The following TEX36 variants were observed in gnomAD, a reference collection of about 807,000 sequenced individuals.
TEX36 encodes the protein testis-expressed protein 36.
A neutral mutation model predicts 13.6 loss-of-function variants in TEX36; 12 were observed. That is an observed-to-expected ratio of 0.88 (90% CI 0.56 to 1.43). The LOEUF (loss-of-function observed/expected upper bound fraction) is 1.43, where lower values mean the gene tolerates loss of function less well. Among genes scored for constraint, TEX36 ranks in the 40% most tolerant of loss-of-function variants. The pLI is 0.00. For synonymous variants in TEX36, 93 were observed against 83.0 expected, an observed-to-expected ratio of 1.12 and a Z score of -0.65; for missense variants, 224 against 228.3, an observed-to-expected ratio of 0.98 and a Z score of 0.12.
exon 4 of TEX36, chr10:125,621,635 C>A (rs939303421): frequency 2.2e-6 from 1 of 455,942 alleles, no homozygotes; most frequent in African/African-American, 2.0e-5. Flanking sequence ...CCACGATAGG[C>A]CATCTGCAAA....
At chr10:125,617,152 C>T (rs1846371167), downstream of TEX36, among the ~76,000 whole-genome samples, 1 of 151,752 alleles carries the variant, frequency 6.6e-6, no homozygotes, top group Admixed American at 6.6e-5. Flanking sequence ...GATCTTCCTC[C>T]ATCCTTTTAT....
chr10:125,681,954 C>A (rs1028808525), intron 1 of TEX36, among the ~76,000 whole-genome samples: 10 of 152,142 alleles, frequency 6.6e-5, no homozygotes, highest in African/African-American at 2.2e-4. Flanking sequence ...TTTTTTAAAG[C>A]CTTCAGACCC....
At chr10:125,659,505 G>T (rs1846997836) in intron 3 of TEX36, among the ~76,000 whole-genome samples, 2 of 152,134 alleles carry the variant, frequency 1.3e-5, no homozygotes, top group African/African-American at 4.8e-5. Flanking sequence ...GTTTTTTAAA[G>T]GACATATGTT....
chr10:125,667,666 G>C, intron 1 of TEX36: 8 of 720,216 alleles, frequency 1.1e-5, no homozygotes, highest in Non-Finnish European at 2.0e-5. Flanking sequence ...TGACAACTTG[G>C]GGGAAAGGAC....
chr10:125,598,628 T>C (rs1441036748), intron 3 of TEX36, among the ~76,000 whole-genome samples: 1 of 152,164 alleles, frequency 6.6e-6, no homozygotes, highest in Non-Finnish European at 1.5e-5. Context: ...TCTCAACATC[T>C]CTTCTGACTC....
intron 3 of TEX36, among the ~76,000 whole-genome samples, chr10:125,591,607 G>T (rs754585589): frequency 2.0e-5 from 3 of 152,152 alleles, no homozygotes; most frequent in Non-Finnish European, 4.4e-5. Flanking sequence ...TGTCTGCCAT[G>T]GTTCTCTCTA....
intron 1 of TEX36, among the ~76,000 whole-genome samples, chr10:125,682,196 C>A (rs939311960): frequency 6.6e-6 from 1 of 151,994 alleles, no homozygotes; most frequent in Admixed American, 6.5e-5. Context: ...TGTTGAAGAG[C>A]AAAGGAGAGA....
chr10:125,609,371 C>G (rs1846261525), intron 3 of TEX36, among the ~76,000 whole-genome samples: 1 of 152,104 alleles, frequency 6.6e-6, no homozygotes, highest in Non-Finnish European at 1.5e-5. Context: ...GCTAGCTAGT[C>G]ACCCAGCACG....
intron 3 of TEX36, among the ~76,000 whole-genome samples, chr10:125,608,136 AAC>A (rs1266176597): frequency 2.6e-5 from 4 of 152,186 alleles, no homozygotes; most frequent in Non-Finnish European, 4.4e-5. Flanking sequence ...GAGCGGGGAA[AAC>A]AGTCACTAAA....
In TEX36 at chr10:125,645,940, T is replaced by C. The variant is rs931687318; in HGVS notation, c.264+15081A>G. Among the ~76,000 whole-genome samples, 8 of 152,184 alleles carry C rather than the reference T, an allele frequency of 5.3e-5. No homozygotes were observed. The South Asian group carries it at 1.7e-3, about 31-fold the overall frequency. ...CAGAAATCATACAAATCTTAATCAC[T>C]GACCACAATGCAGAAATTAATTAAT... On this transcript the variant is annotated intron_variant, in intron 3 of 3. Coordinates refer to the TEX36 transcript ENST00000526819.
intron 1 of TEX36, among the ~76,000 whole-genome samples, chr10:125,664,374 T>A (rs1847092709): frequency 6.6e-6 from 1 of 152,214 alleles, no homozygotes; most frequent in Admixed American, 6.5e-5. Flanking sequence ...GATTGCCGAA[T>A]CACATGGTAG....
chr10:125,641,504 T>C (rs1308981329), intron 3 of TEX36, among the ~76,000 whole-genome samples: 4 of 152,238 alleles, frequency 2.6e-5, no homozygotes, highest in Admixed American at 1.3e-4. Context: ...ATTCCTAGTA[T>C]GGGTCTAGAA....
intron 1 of TEX36, among the ~76,000 whole-genome samples, chr10:125,671,115 C>T (rs1847220315): frequency 3.9e-5 from 6 of 152,120 alleles, no homozygotes; most frequent in Admixed American, 3.9e-4. Flanking sequence ...TGTTTGAATA[C>T]ACTTTATTTC....
At chr10:125,629,188 C>G (rs1270349590) in intron 3 of TEX36, among the ~76,000 whole-genome samples, 1 of 152,180 alleles carries the variant, frequency 6.6e-6, no homozygotes, top group South Asian at 2.1e-4. Context: ...GAGACCAGCA[C>G]TGGTCACTCA....
chr10:125,576,528 C>T (rs144065941), exon 4 of TEX36: 7 of 581,598 alleles, frequency 1.2e-5, no homozygotes, highest in African/African-American at 1.1e-4. Context: ...ATCATTCTTC[C>T]TGCCAGGGAG....
At chr10:125,596,723 G>C (rs986869704) in intron 3 of TEX36, among the ~76,000 whole-genome samples, 8 of 152,194 alleles carry the variant, frequency 5.3e-5, no homozygotes, top group Admixed American at 1.3e-4. Flanking sequence ...TAGATGCTGA[G>C]AGAGCATTCA....
intron 3 of TEX36, among the ~76,000 whole-genome samples, chr10:125,615,434 C>T (rs1477387551): frequency 1.3e-5 from 2 of 151,840 alleles, no homozygotes. Context: ...ATAGATAGCT[C>T]TTATTATTTT....
chr10:125,619,889 A>ATG (rs1383860790), downstream of TEX36, among the ~76,000 whole-genome samples: 1 of 151,538 alleles, frequency 6.6e-6, no homozygotes, highest in Non-Finnish European at 1.5e-5. Flanking sequence ...ATATATATAT[A>ATG]TGTGTGCATA....
At chr10:125,590,744 GT>G (rs1846012046) in intron 3 of TEX36, among the ~76,000 whole-genome samples, 1 of 152,084 alleles carries the variant, frequency 6.6e-6, no homozygotes. Flanking sequence ...GAATAATATT[GT>G]CTGATGAAGA....
Sources: gnomAD v4.1 joint callset for allele counts (sites outside exome capture counted in the v4.1 genomes callset) on GRCh38, gnomAD v4.1.1 for gene constraint, MANE v1.5 for transcripts, NCBI Gene and HGNC (gene_info 2026-07-23, HGNC 2026-07-21) for gene names.